Variants in RALB observed in about 807,000 individuals in gnomAD.
The protein encoded by RALB is RAS like proto-oncogene B.
In RALB, 16 loss-of-function variants were observed where a neutral mutation model predicts 21.3. The observed-to-expected ratio is 0.75, with a 90% CI of 0.51 to 1.14. The LOEUF (loss-of-function observed/expected upper bound fraction) is 1.14, where lower values mean the gene tolerates loss of function less well. Among genes scored for constraint, RALB ranks in the 50% most tolerant of loss-of-function variants. RALB has a pLI of 0.00. For missense variants in RALB, 161 were observed against 256.2 expected (o/e 0.63, Z 2.54); for synonymous variants, 93 against 96.1 (o/e 0.97, Z 0.19).
At chr2:120,247,017 C>T (rs1383878712) in intron 1 of RALB, among the ~76,000 whole-genome samples, 1 of 152,202 alleles carries the variant, frequency 6.6e-6, no homozygotes. Context: ...ACTTGAATCT[C>T]ATTTTATCTC....
intron 1 of RALB, among the ~76,000 whole-genome samples, chr2:120,241,053 C>T (rs1462576168): frequency 6.6e-6 from 1 of 152,188 alleles, no homozygotes; most frequent in African/African-American, 2.4e-5. Context: ...GTCCTTAGTC[C>T]TGTGGGAGCT....
chr2:120,247,695 A>G (rs1364858030), intron 1 of RALB, among the ~76,000 whole-genome samples: 1 of 152,328 alleles, frequency 6.6e-6, no homozygotes, highest in East Asian at 1.9e-4. Context: ...TTTTTTTGGT[A>G]GCTGCCTGCA....
chr2:120,269,802 T>C (rs1365578231), intron 1 of RALB, among the ~76,000 whole-genome samples: 1 of 152,244 alleles, frequency 6.6e-6, no homozygotes, highest in Non-Finnish European at 1.5e-5. Flanking sequence ...CAAAAAATTA[T>C]TCTTGTAATT....
At chr2:120,289,871 A>T in intron 4 of RALB, 114 bp downstream of exon 4, 2 of 937,628 alleles carry the variant, frequency 2.1e-6, no homozygotes, top group Non-Finnish European at 3.1e-6. Flanking sequence ...GAAGATTCTG[A>T]TTCCTATGAA....
chr2:120,267,966 ATTTT>A (rs777994784), intron 1 of RALB, among the ~76,000 whole-genome samples: 3 of 151,782 alleles, frequency 2.0e-5, no homozygotes, highest in Non-Finnish European at 4.4e-5. Flanking sequence ...TAATTTTTGT[ATTTT>A]TAGTAGAGAC....
At chr2:120,280,781 CA>C in intron 2 of RALB, 1 of 356,320 alleles carries the variant, frequency 2.8e-6, no homozygotes, top group South Asian at 2.1e-5. Context: ...GAACAAAAGA[CA>C]TTTTCATTAA....
rs547733377 is a variant in RALB, at chr2:120,288,342, G to GTTTTTTTTTTTTTTTTTTTTTTTTTTTT, written c.324-1227_324-1226insTTTTTTTTTTTTTTTTTTTTTTTTTTTT. 6.0e-5 allele frequency among the ~76,000 whole-genome samples: 7 copies of GTTTTTTTTTTTTTTTTTTTTTTTTTTTT among 117,092 alleles called. 3 individuals are homozygous for GTTTTTTTTTTTTTTTTTTTTTTTTTTTT. Among genetic ancestry groups the GTTTTTTTTTTTTTTTTTTTTTTTTTTTT allele is most frequent in the African/African-American group, 7.0e-5 (2 of 28,762 alleles). 76.8% of individuals were successfully genotyped at this position (117,092 alleles called of 152,430 possible). A position where few individuals can be genotyped will look rare whatever the true frequency, so the allele number is the denominator to read the frequency against. ...TTAAATTGACTACATGAAAATTTTA[G>GTTTTTTTTTTTTTTTTTTTTTTTTTTTT]TTTTTTTTTTTGTTTTTTTTTTTGT... On this transcript the variant is annotated intron_variant, in intron 3 of 4. Transcript: ENST00000272519.
intron 1 of RALB, among the ~76,000 whole-genome samples, chr2:120,277,555 C>G (rs951517352): frequency 6.6e-6 from 1 of 151,328 alleles, no homozygotes; most frequent in Admixed American, 6.6e-5. Flanking sequence ...TGTGTGAAAG[C>G]GTGAGTGCAC....
At chr2:120,245,694 C>T (rs1244347495) in intron 1 of RALB, among the ~76,000 whole-genome samples, 3 of 152,108 alleles carry the variant, frequency 2.0e-5, no homozygotes, top group African/African-American at 7.2e-5. Context: ...ACTGCCTGCA[C>T]GGGTTGTGCA....
At chr2:120,284,746 C>CA (rs967401704) in intron 2 of RALB, among the ~76,000 whole-genome samples, 106 of 58,300 alleles carry the variant, frequency 1.8e-3, no homozygotes, top group African/African-American at 6.6e-3. Flanking sequence ...TTCATCACTC[C>CA]AAAAAAAACC....
intron 3 of RALB, among the ~76,000 whole-genome samples, chr2:120,286,838 T>G (rs1690172253): frequency 2.0e-5 from 3 of 152,212 alleles, no homozygotes; most frequent in African/African-American, 7.2e-5. Context: ...ATGGCAACTA[T>G]TCTCCATGAA....
upstream of RALB, among the ~76,000 whole-genome samples, chr2:120,250,833 T>G (rs898976540): frequency 1.3e-5 from 2 of 152,178 alleles, no homozygotes; most frequent in Admixed American, 6.5e-5. Context: ...TGGTGTCCTG[T>G]GTGAGACAGC....
At chr2:120,253,295 G>A in intron 1 of RALB, 2 of 719,472 alleles carry the variant, frequency 2.8e-6, no homozygotes, top group Non-Finnish European at 3.4e-6. Flanking sequence ...TTCCTGCCGC[G>A]GGCCTCCCGC....
chr2:120,279,905 G>T (rs1306869895), intron 2 of RALB, among the ~76,000 whole-genome samples: 1 of 152,208 alleles, frequency 6.6e-6, no homozygotes, highest in Admixed American at 6.5e-5. Context: ...TCGGCCTCTA[G>T]CTGAGGGAGT....
Position 120,285,942 on chromosome 2 carries a change from A to G in RALB, c.183A>G (p.Glu61=), listed in dbSNP as rs1690122711. Residue 61 remains glutamate (E), a synonymous_variant, in exon 3 of 5, where the codon GAA becomes GAG. Coordinates refer to ENST00000272519, the MANE Select transcript of RALB (RefSeq NM_002881.3). The stretch of plus-strand genomic sequence containing the variant: ...AGAAAGTGGTTCTTGATGGGGAAGA[A>G]GTTCAGATAGATATTCTGGACACCG... ...YRKKVVLDGE[E]VQIDILDTAG... 1 of 1,614,122 alleles carries G rather than the reference A, an allele frequency of 6.2e-7. No homozygotes were observed. The highest frequency in any genetic ancestry group is 8.5e-7 in the Non-Finnish European group (1 of 1,179,964).
In RALB at chr2:120,278,738, T is replaced by G; in HGVS notation, c.74T>G (p.Val25Gly). The G allele has an allele frequency of 6.3e-7, 1 of 1,593,632 alleles. No homozygotes were observed. The highest frequency in any genetic ancestry group is 1.1e-5 in the South Asian group (1 of 88,250). Residue 25 changes from valine to glycine, a missense_variant, in exon 2 of 5, where the codon GTT (valine) becomes GGT (glycine). By Grantham distance (109) the Val-to-Gly change is moderately radical. Transcript: ENST00000272519. The stretch of plus-strand genomic sequence containing the variant: ...GTGATCATGGTTGGCAGCGGAGGCG[T>G]TGGCAAGTCAGCCCTGACGCTTCAG... ...HKVIMVGSGG[V>G]GKSALTLQFM... is the part of the protein sequence containing the mutation.
intron 4 of RALB, among the ~76,000 whole-genome samples, chr2:120,292,831 G>A (rs146689730): frequency 4.9e-4 from 74 of 151,656 alleles, no homozygotes; most frequent in African/African-American, 1.7e-3. Flanking sequence ...GTGACAGTAC[G>A]ATGATTCTGT....
chr2:120,253,591 C>G, intron 1 of RALB: 3 of 985,488 alleles, frequency 3.0e-6, no homozygotes, highest in Non-Finnish European at 3.6e-6. Context: ...GTTCTTGCCG[C>G]CTGTGGGAGT....
intron 3 of RALB, among the ~76,000 whole-genome samples, chr2:120,286,532 G>T (rs921522167): frequency 3.3e-5 from 5 of 152,220 alleles, no homozygotes; most frequent in Non-Finnish European, 7.3e-5. Flanking sequence ...ACCATTTGCT[G>T]CTACTTAAGG....
Sources: gnomAD v4.1 joint callset for allele counts (sites outside exome capture counted in the v4.1 genomes callset) on GRCh38, gnomAD v4.1.1 for gene constraint, MANE v1.5 for transcripts, NCBI Gene and HGNC (gene_info 2026-07-23, HGNC 2026-07-21) for gene names.